The following RACGAP1 variants were observed in gnomAD, a reference collection of about 807,000 sequenced individuals.
RACGAP1 encodes rac GTPase-activating protein 1.
Under a neutral mutation model 78.1 loss-of-function variants are expected in RACGAP1, and 30 were observed. That is an observed-to-expected ratio of 0.38 (90% confidence interval 0.29 to 0.52). The LOEUF is 0.52. Ranked by LOEUF, RACGAP1 falls within the 20% of genes least tolerant of loss-of-function variation. RACGAP1 has a pLI of 0.82. For synonymous variants in RACGAP1, 231 were observed against 264.8 expected (o/e 0.87, Z 1.24); for missense variants, 587 against 777.1 (o/e 0.76, Z 2.91).
intron 1 of RACGAP1, 100 bp from the exon 2 acceptor site, chr12:50,016,819 C>A: frequency 7.1e-7 from 1 of 1,402,722 alleles, no homozygotes; most frequent in Non-Finnish European, 9.6e-7. Context: ...CTGGACTCTT[C>A]CATTTATAAC....
Position 49,989,526 on chromosome 12 carries a change from GA to G in RACGAP1, c.*741del, listed in dbSNP as rs1947701024. 1 of 152,170 alleles carries G rather than the reference GA, an allele frequency of 6.6e-6. No homozygotes were observed. The highest frequency in any genetic ancestry group is 6.5e-5 in the Admixed American group (1 of 15,282). The allele number at this position is 152,170 out of a possible 1,614,324, so 9.4% of individuals were successfully genotyped here. A position where few individuals can be genotyped will look rare whatever the true frequency, so the allele number is the denominator to read the frequency against. On this transcript the variant is annotated 3_prime_UTR_variant, in exon 17 of 17. Transcript: ENST00000312377. Reference sequence around the variant, plus strand: ...GGGTATGGGGGCCAAGCATCAGAATGAATTCAATTTTAAAAGAAAAACTGGC... The same window carrying G: ...GGGTATGGGGGCCAAGCATCAGAATGATTCAATTTTAAAAGAAAAACTGGC...
chr12:50,001,084 C>G, intron 7 of RACGAP1, 88 bp downstream of exon 7: 2 of 1,081,304 alleles, frequency 1.8e-6, no homozygotes, highest in African/African-American at 1.6e-5. Context: ...AACATCATGT[C>G]TCTCAAAACA....
chr12:50,011,696 C>CT (rs1949341549), intron 2 of RACGAP1, among the ~76,000 whole-genome samples: 1 of 152,062 alleles, frequency 6.6e-6, no homozygotes, highest in Admixed American at 6.6e-5. Flanking sequence ...TGGCTCATGC[C>CT]TATAAATCCA....
intron 2 of RACGAP1, among the ~76,000 whole-genome samples, chr12:50,009,788 C>T (rs1949200355): frequency 6.6e-6 from 1 of 152,206 alleles, no homozygotes; most frequent in Non-Finnish European, 1.5e-5. Flanking sequence ...CAGAGGCATT[C>T]CTGCCTTCTC....
At chr12:50,006,377 G>A in intron 3 of RACGAP1, 57 bp downstream of exon 3, 2 of 1,586,956 alleles carry the variant, frequency 1.3e-6, no homozygotes, top group Non-Finnish European at 1.7e-6. Flanking sequence ...GAAACTGTCA[G>A]ACAATGCCTT....
At chr12:49,998,747 A>G (rs1480725517) in intron 9 of RACGAP1, among the ~76,000 whole-genome samples, 1 of 151,768 alleles carries the variant, frequency 6.6e-6, no homozygotes, top group African/African-American at 2.4e-5. Flanking sequence ...AAAAATTTAA[A>G]AATTAGCCGG....
At chr12:50,032,534 T>TGA (rs1250565078) in intron 1 of RACGAP1, among the ~76,000 whole-genome samples, 9 of 85,270 alleles carry the variant, frequency 1.1e-4, no homozygotes, top group Non-Finnish European at 2.3e-4. Flanking sequence ...AAGGAAAAGG[T>TGA]GAGTGTGTGT....
At chr12:50,016,841 G>T in intron 1 of RACGAP1, 122 bp from the exon 2 acceptor site, 1 of 1,386,856 alleles carries the variant, frequency 7.2e-7, no homozygotes, top group Non-Finnish European at 9.6e-7. Context: ...ACCATTATAA[G>T]AATCTCAAGC....
chr12:50,002,248 C>G lies in RACGAP1; in HGVS notation c.548G>C (p.Arg183Thr). The G allele has an allele frequency of 6.2e-7, 1 of 1,612,840 alleles. No homozygotes were observed. The highest frequency in any genetic ancestry group is 1.1e-5 in the South Asian group (1 of 91,020). The change falls in exon 6 of 17, where the codon AGG becomes ACG. Residue 183 changes from arginine to threonine, a missense_variant and splice_region_variant. Transcript: ENST00000312377. ...KTFKLKKREK[R>T]RSTSRQFVDG... ...AAAGACTAAACAAATCATACATACC[C>G]TCTTTTCTCTCTTCTTCAGTTTGAA...
Position 49,994,176 on chromosome 12 carries a change from G to A in RACGAP1, c.1294C>T (p.Pro432Ser), listed in dbSNP as rs760038605. Residue 432 changes from proline to serine, a missense_variant, in exon 12 of 17, where the codon CCT (proline) becomes TCT (serine). Coordinates refer to ENST00000312377, the MANE Select transcript of RACGAP1 (RefSeq NM_001319999.2). ...CTGTTAAGGCGAAAGGTCAGAAGAG[G>A]TTCTTTGAGGTTTCGAAGAAAGTCT... ...LKDFLRNLKE[P>S]LLTFRLNRAF... The A allele has an allele frequency of 3.7e-6, 6 of 1,613,722 alleles. No individual in the cohort carries two copies. The Admixed American group carries it at 6.7e-5, about 18-fold the overall frequency.
rs1055105401 is a variant in RACGAP1, at chr12:50,031,850, G to T, written c.-177C>A. 17 of 624,324 alleles carry T rather than the reference G, an allele frequency of 2.7e-5. No individual in the cohort carries two copies. The African/African-American group carries it at 3.2e-4, about 12-fold the overall frequency. The allele number at this position is 624,324 out of a possible 1,614,324, so 38.7% of individuals were successfully genotyped here. A position where few individuals can be genotyped will look rare whatever the true frequency, so the allele number is the denominator to read the frequency against. ...TTACACGGCCTTTCACAGGTCAGCTGTGGCTTGACTTGCTCATCTATAAAT... is the reference window on the plus strand; with the variant it reads ...TTACACGGCCTTTCACAGGTCAGCTTTGGCTTGACTTGCTCATCTATAAAT... On this transcript the variant is annotated 5_prime_UTR_variant, in exon 2 of 4. Coordinates refer to the RACGAP1 transcript ENST00000548247.
chr12:50,006,853 T>C (rs982651137), intron 2 of RACGAP1, among the ~76,000 whole-genome samples: 1 of 152,168 alleles, frequency 6.6e-6, no homozygotes, highest in Admixed American at 6.6e-5. Context: ...ATAGGCCACT[T>C]ACTTTTGGCT....
intron 2 of RACGAP1, among the ~76,000 whole-genome samples, chr12:50,012,703 G>A (rs1186149513): frequency 2.6e-5 from 4 of 151,918 alleles, no homozygotes; most frequent in Non-Finnish European, 4.4e-5. Context: ...AAGTTGTAGT[G>A]AGCTGAGATC....
intron 2 of RACGAP1, among the ~76,000 whole-genome samples, chr12:50,008,169 GAAAAAAAAAA>G (rs71441313): frequency 2.5e-4 from 15 of 60,682 alleles, no homozygotes; most frequent in East Asian, 1.2e-3. Context: ...TGAGAAATGT[GAAAAAAAAAA>G]AAAAAAAAAA....
Position 49,996,668 on chromosome 12 carries a change from A to AAAAAAT in RACGAP1, c.1044+371_1044+372insATTTTT, listed in dbSNP as rs1948302735. On this transcript the variant is annotated intron_variant, in intron 10 of 16. Transcript: ENST00000312377. ...AAAAAAAAAAAAAAAAAAAAAAAAA[A>AAAAAAT]TGGACACAAGTTAGTAATCATGGAA... Among the ~76,000 whole-genome samples the AAAAAAT allele has an allele frequency of 8.2e-4, 106 of 129,330 alleles. 9 individuals are homozygous for AAAAAAT. The highest frequency in any genetic ancestry group is 3.5e-3 in the African/African-American group (93 of 26,422). 84.8% of individuals were successfully genotyped at this position (129,330 alleles called of 152,430 possible).
At chr12:50,026,994 G>A (rs1049647563), upstream of RACGAP1, among the ~76,000 whole-genome samples, 2 of 152,222 alleles carry the variant, frequency 1.3e-5, no homozygotes, top group East Asian at 1.9e-4. Flanking sequence ...AATAGCAGGC[G>A]TTCGGCTGAC....
upstream of RACGAP1, among the ~76,000 whole-genome samples, chr12:50,025,757 T>C (rs751397760): frequency 2.1e-4 from 32 of 152,182 alleles, no homozygotes; most frequent in African/African-American, 6.5e-4. Context: ...GAATTATTCT[T>C]GGTCTCACTG....
At chr12:50,025,546 G>T (rs1478051896), upstream of RACGAP1, 1 of 985,312 alleles carries the variant, frequency 1.0e-6, no homozygotes, top group Admixed American at 6.1e-5. Context: ...GTCCCTCTAC[G>T]GTGTGACGTA....
chr12:50,020,287 C>T (rs1295547294), intron 1 of RACGAP1, among the ~76,000 whole-genome samples: 1 of 152,050 alleles, frequency 6.6e-6, no homozygotes, highest in Non-Finnish European at 1.5e-5. Flanking sequence ...GAGTGATTCT[C>T]CTGCCTCAGC....
Sources: allele counts gnomAD v4.1 joint callset (sites outside exome capture counted in the v4.1 genomes callset), GRCh38; gene constraint gnomAD v4.1.1; transcripts MANE v1.5; gene names NCBI Gene and HGNC (gene_info 2026-07-23, HGNC 2026-07-21).